NRCAM: variants seen among roughly 807,000 people sequenced by gnomAD.
NRCAM encodes the protein NgCAM-related cell adhesion molecule.
NRCAM carries 83 observed loss-of-function variants against 156.5 expected under a neutral mutation model. The ratio of observed to expected loss-of-function variants is 0.53; its 90% CI spans 0.44 to 0.64. The LOEUF is 0.64. Ranked by LOEUF, NRCAM falls within the 30% of genes least tolerant of loss-of-function variation. The pLI is 0.00. For missense variants in NRCAM, 1,417 were observed against 1,597.3 expected (o/e 0.89, Z 1.92); for synonymous variants, 538 against 563.9 (o/e 0.95, Z 0.65).
intron 2 of NRCAM, among the ~76,000 whole-genome samples, chr7:108,352,364 C>T (rs890719591): frequency 6.6e-6 from 1 of 152,156 alleles, no homozygotes; most frequent in Non-Finnish European, 1.5e-5. Context: ...TATGCATAAT[C>T]TAATCAAAGA....
chr7:108,286,771 C>A (rs1350613616), intron 3 of NRCAM, among the ~76,000 whole-genome samples: 1 of 152,144 alleles, frequency 6.6e-6, no homozygotes, highest in Non-Finnish European at 1.5e-5. Flanking sequence ...CTGTGTTACT[C>A]CATAGCCCAC....
chr7:108,231,173 C>T lies in NRCAM; in HGVS notation c.428-20G>A. 1 of 1,551,326 alleles carries T rather than the reference C, an allele frequency of 6.4e-7. No individual in the cohort carries two copies. The highest frequency in any genetic ancestry group is 2.3e-5 in the East Asian group (1 of 42,610). ...GTGATCCTATTAAATAAAAAAATAA[C>T]TTCTCAGTTATTTCTGCATTGAAAA... On this transcript the variant is annotated intron_variant, in intron 7 of 32. Coordinates refer to ENST00000379028, the MANE Select transcript of NRCAM (RefSeq NM_001037132.4).
intron 13 of NRCAM, among the ~76,000 whole-genome samples, chr7:108,203,739 G>A (rs1380461027): frequency 1.3e-5 from 2 of 152,156 alleles, no homozygotes; most frequent in African/African-American, 4.8e-5. Flanking sequence ...GGCACCTGGA[G>A]GGGACACTGC....
chr7:108,260,254 T>C lies in NRCAM; in HGVS notation c.-106-20084A>G, dbSNP rs539521926. Among the ~76,000 whole-genome samples the C allele has an allele frequency of 2.6e-5, 4 of 152,320 alleles. No homozygotes were observed. The South Asian group carries it at 8.3e-4, about 32-fold the overall frequency. On this transcript the variant is annotated intron_variant, in intron 3 of 32. Coordinates refer to ENST00000379028, the MANE Select transcript of NRCAM (RefSeq NM_001037132.4). ...AAAGGGCATTAAACAATATGGCTTCTGAGAAAACATCTAATATCAGATAAG... is the reference window on the plus strand; with the variant it reads ...AAAGGGCATTAAACAATATGGCTTCCGAGAAAACATCTAATATCAGATAAG...
intron 2 of NRCAM, among the ~76,000 whole-genome samples, chr7:108,317,574 C>T (rs2098942802): frequency 1.3e-5 from 2 of 152,012 alleles, no homozygotes; most frequent in Non-Finnish European, 2.9e-5. Flanking sequence ...ATACAGAAGG[C>T]TCTGTGTGAT....
chr7:108,381,374 C>G (rs1435008939), intron 2 of NRCAM, among the ~76,000 whole-genome samples: 1 of 152,062 alleles, frequency 6.6e-6, no homozygotes, highest in Non-Finnish European at 1.5e-5. Flanking sequence ...ACATGGTAAA[C>G]TGCATAGTCT....
At chr7:108,270,687 C>T (rs2097311058) in intron 3 of NRCAM, among the ~76,000 whole-genome samples, 1 of 152,124 alleles carries the variant, frequency 6.6e-6, no homozygotes, top group African/African-American at 2.4e-5. Context: ...ATATGGTTTC[C>T]ACATACAGTG....
At chr7:108,184,036 A>G (rs1165272645) in intron 22 of NRCAM, among the ~76,000 whole-genome samples, 1 of 152,096 alleles carries the variant, frequency 6.6e-6, no homozygotes. Flanking sequence ...ATTTGCACCA[A>G]ATCATTTTGA....
chr7:108,201,717 T>C (rs2078246749), intron 13 of NRCAM, among the ~76,000 whole-genome samples: 1 of 152,352 alleles, frequency 6.6e-6, no homozygotes, highest in Non-Finnish European at 1.5e-5. Context: ...TTGCTCTCAG[T>C]TGCACTTTTC....
chr7:108,170,104 T>G (rs1275593266), intron 28 of NRCAM, among the ~76,000 whole-genome samples: 2 of 152,130 alleles, frequency 1.3e-5, no homozygotes, highest in Non-Finnish European at 2.9e-5. Context: ...ATTGCAGCAT[T>G]ATTCACAATA....
intron 3 of NRCAM, among the ~76,000 whole-genome samples, chr7:108,307,617 T>C (rs1237796894): frequency 6.6e-6 from 1 of 152,156 alleles, no homozygotes; most frequent in African/African-American, 2.4e-5. Flanking sequence ...CAAGAGATTT[T>C]TTTCTTTGCC....
At chr7:108,152,455 A>G (rs1477772787) in intron 32 of NRCAM, among the ~76,000 whole-genome samples, 1 of 151,916 alleles carries the variant, frequency 6.6e-6, no homozygotes, top group Non-Finnish European at 1.5e-5. Context: ...GAGTTAAGTA[A>G]GGGGAGTGGC....
chr7:108,159,316 T>C (rs1478874623), intron 32 of NRCAM, 147 bp downstream of exon 32: 1 of 777,592 alleles, frequency 1.3e-6, no homozygotes, highest in African/African-American at 1.7e-5. Flanking sequence ...ATGAGGGACA[T>C]GTAAACACTG....
At chr7:108,400,888 A>T (rs1270511729) in intron 1 of NRCAM, among the ~76,000 whole-genome samples, 1 of 152,064 alleles carries the variant, frequency 6.6e-6, no homozygotes, top group African/African-American at 2.4e-5. Context: ...CAAAGACATG[A>T]GCCACACTGA....
At chr7:108,451,766 T>C (rs190839002) in intron 1 of NRCAM, among the ~76,000 whole-genome samples, 1 of 152,122 alleles carries the variant, frequency 6.6e-6, no homozygotes, top group South Asian at 2.1e-4. Context: ...AGACTGGAAG[T>C]AGGATGTTTG....
intron 3 of NRCAM, among the ~76,000 whole-genome samples, chr7:108,294,208 T>G (rs1437295194): frequency 4.1e-5 from 6 of 145,722 alleles, no homozygotes; most frequent in African/African-American, 1.6e-4. Flanking sequence ...TTTTTTTTTT[T>G]TTTTTTTTTT....
intron 12 of NRCAM, among the ~76,000 whole-genome samples, chr7:108,209,141 C>T (rs182467908): frequency 4.9e-4 from 75 of 152,178 alleles, no homozygotes; most frequent in Non-Finnish European, 4.6e-4. Flanking sequence ...TTGATCTTGC[C>T]GGCTCTAGTT....
chr7:108,447,249 TCAC>T (rs919405292), intron 1 of NRCAM, among the ~76,000 whole-genome samples: 1 of 148,280 alleles, frequency 6.7e-6, no homozygotes, highest in Non-Finnish European at 1.5e-5. Context: ...TTTGCCAAGT[TCAC>T]TTCTTTCTTT....
intron 2 of NRCAM, among the ~76,000 whole-genome samples, chr7:108,396,431 C>T (rs2099777078): frequency 6.6e-6 from 1 of 152,216 alleles, no homozygotes; most frequent in African/African-American, 2.4e-5. Flanking sequence ...CCAAATTATA[C>T]TAATGCAGCG....
Sources: allele counts gnomAD v4.1 joint callset (sites outside exome capture counted in the v4.1 genomes callset), GRCh38; gene constraint gnomAD v4.1.1; transcripts MANE v1.5; gene names NCBI Gene and HGNC (gene_info 2026-07-23, HGNC 2026-07-21).